Variants in DLG1 observed in about 807,000 individuals in gnomAD.
The protein encoded by DLG1 is disks large homolog 1.
Under a neutral mutation model 123.4 loss-of-function variants are expected in DLG1, and 42 were observed. The ratio of observed to expected loss-of-function variants is 0.34; its 90% CI spans 0.27 to 0.44. The LOEUF is 0.44. Ranked by LOEUF, DLG1 falls within the 20% of genes least tolerant of loss-of-function variation. The pLI, the probability that DLG1 is intolerant of heterozygous loss-of-function variation, is 1.00. For missense variants in DLG1, 942 were observed against 1,082.6 expected (o/e 0.87, Z 1.82); for synonymous variants, 317 against 356.2 (o/e 0.89, Z 1.24).
intron 14 of DLG1, among the ~76,000 whole-genome samples, chr3:197,102,564 G>GA (rs1490679121): frequency 6.6e-6 from 1 of 152,222 alleles, no homozygotes; most frequent in Non-Finnish European, 1.5e-5. Flanking sequence ...ATCTTTGTAT[G>GA]AATGTGAGGC....
chr3:197,183,560 CAAGTGGT>C lies in DLG1; in HGVS notation c.483+10858_483+10864del, dbSNP rs780535440. 22 of 1,543,446 alleles carry C rather than the reference CAAGTGGT, an allele frequency of 1.4e-5. No homozygotes were observed. In the South Asian group the frequency reaches 2.6e-4, roughly 18 times the overall value. The stretch of plus-strand genomic sequence containing the variant: ...AGAAATAGATTGAAAATAATTTCAA[CAAGTGGT>C]ATGTTACCTGGGTGGAGCTGGTGGC... On this transcript the variant is annotated intron_variant, in intron 5 of 24. Transcript: ENST00000667157.
intron 5 of DLG1, among the ~76,000 whole-genome samples, chr3:197,151,318 T>C (rs1793740040): frequency 1.3e-5 from 2 of 152,168 alleles, no homozygotes; most frequent in African/African-American, 4.8e-5. Flanking sequence ...TTACCAAACA[T>C]GCAGTGGAAA....
At chr3:197,095,450 G>T (rs1197128781) in intron 14 of DLG1, among the ~76,000 whole-genome samples, 3 of 151,940 alleles carry the variant, frequency 2.0e-5, no homozygotes, top group Non-Finnish European at 4.4e-5. Flanking sequence ...AATACTGTTG[G>T]AGATTACAAG....
At chr3:197,050,608 G>A (rs151196946) in intron 24 of DLG1, among the ~76,000 whole-genome samples, 418 of 152,230 alleles carry the variant, frequency 2.7e-3, no homozygotes, top group African/African-American at 9.4e-3. Flanking sequence ...TCATTTATAC[G>A]TGGAATCTAA....
At position 197,136,653 on chromosome 3, in the gene DLG1, A is replaced by G. The variant is rs1785181624; in HGVS notation, c.909T>C (p.Gly303=). 1 of 1,612,464 alleles carries G rather than the reference A, an allele frequency of 6.2e-7. No homozygotes were observed. Among genetic ancestry groups the G allele is most frequent in the South Asian group, 1.1e-5 (1 of 90,788 alleles). ...PKGLGFSIAG[G]VGNQHIPGDN... ...CCCCAGGAATATGCTGATTTCCAAC[A>G]CCTCCAGCAATGCTAAACCCAAGAC... Residue 303 remains glycine (G), a synonymous_variant, in exon 10 of 25, where the codon GGT becomes GGC. Coordinates refer to ENST00000667157, the MANE Select transcript of DLG1 (RefSeq NM_001366207.1).
At chr3:197,205,268 A>G (rs1352521098) in intron 4 of DLG1, among the ~76,000 whole-genome samples, 1 of 152,158 alleles carries the variant, frequency 6.6e-6, no homozygotes, top group Non-Finnish European at 1.5e-5. Context: ...AAAACTGGCC[A>G]TGACTGAATG....
chr3:197,134,899 G>A (rs1278145689), intron 10 of DLG1, among the ~76,000 whole-genome samples: 1 of 152,188 alleles, frequency 6.6e-6, no homozygotes, highest in African/African-American at 2.4e-5. Flanking sequence ...AACCCCTAGG[G>A]GGTAGACAAG....
chr3:197,094,182 C>A (rs1759346623), intron 14 of DLG1, among the ~76,000 whole-genome samples: 1 of 152,164 alleles, frequency 6.6e-6, no homozygotes, highest in Non-Finnish European at 1.5e-5. Flanking sequence ...CACCTAAGTC[C>A]CACTAAGTGA....
chr3:197,082,199 G>C (rs560780682), intron 16 of DLG1, among the ~76,000 whole-genome samples: 1 of 151,908 alleles, frequency 6.6e-6, no homozygotes, highest in East Asian at 1.9e-4. Context: ...GTGAAACCCT[G>C]TCTCTACTAA....
chr3:197,111,202 G>A (rs1349830496), intron 13 of DLG1, among the ~76,000 whole-genome samples: 5 of 152,138 alleles, frequency 3.3e-5, no homozygotes, highest in African/African-American at 9.7e-5. Context: ...TACTTCCCTG[G>A]ACTAGCTGAG....
In DLG1 at chr3:197,250,429, C is replaced by T. The variant is rs188304127; in HGVS notation, c.318+32250G>A. On this transcript the variant is annotated intron_variant, in intron 4 of 24. Coordinates refer to ENST00000667157, the MANE Select transcript of DLG1 (RefSeq NM_001366207.1). ...CTAAAAATACAAAAAATTAGCTGGG[C>T]GTCATGGTGGGCACCTGTAATCCCA... is the stretch of plus-strand genomic sequence containing the variant. Among the ~76,000 whole-genome samples the T allele has an allele frequency of 2.8e-3, 422 of 151,892 alleles. 3 individuals are homozygous for T. The highest frequency in any genetic ancestry group is 9.5e-3 in the African/African-American group (394 of 41,448).
intron 4 of DLG1, among the ~76,000 whole-genome samples, chr3:197,276,263 C>G (rs1192964654): frequency 1.2e-4 from 18 of 152,214 alleles, no homozygotes; most frequent in Non-Finnish European, 1.5e-5. Context: ...TTGTTGGTTT[C>G]TACTAATTAA....
chr3:197,076,533 A>C (rs1340870452), intron 18 of DLG1, 53 bp downstream of exon 18: 2 of 1,397,470 alleles, frequency 1.4e-6, no homozygotes, highest in Non-Finnish European at 2.0e-6. Flanking sequence ...ACTGCAGGGC[A>C]GTAGGTCCCT....
intron 4 of DLG1, among the ~76,000 whole-genome samples, chr3:197,253,067 G>T (rs1198091485): frequency 6.6e-6 from 1 of 152,066 alleles, no homozygotes; most frequent in East Asian, 1.9e-4. Flanking sequence ...TTGATAAATT[G>T]GACTTCATCA....
chr3:197,296,263 T>C, intron 3 of DLG1, 83 bp downstream of exon 3: 2 of 1,356,514 alleles, frequency 1.5e-6, no homozygotes, highest in Non-Finnish European at 2.0e-6. Flanking sequence ...ATTAAGTACA[T>C]CATTTTCTTA....
intron 16 of DLG1, chr3:197,085,296 A>G: frequency 2.6e-6 from 1 of 387,678 alleles, no homozygotes. Flanking sequence ...CCATGCTTAC[A>G]TGTTGGAGGT....
intron 3 of DLG1, among the ~76,000 whole-genome samples, chr3:197,288,460 G>A (rs1022203868): frequency 6.6e-6 from 1 of 151,134 alleles, no homozygotes; most frequent in African/African-American, 2.4e-5. Flanking sequence ...AGTGGTTCAT[G>A]CATGTAATCC....
rs767056279 is a variant in DLG1, at chr3:197,080,267, C to CTTTTT, written c.1905+779_1905+783dup. Among the ~76,000 whole-genome samples, 21 of 51,904 alleles carry CTTTTT rather than the reference C, an allele frequency of 4.0e-4. 2 individuals carry two copies. Among genetic ancestry groups the CTTTTT allele is most frequent in the African/African-American group, 1.3e-3 (16 of 11,984 alleles). The allele number at this position is 51,904 out of a possible 152,430, so 34.1% of individuals were successfully genotyped here. ...TATGATGAAAGAATTGATATATTTC[C>CTTTTT]TTTTTTTTTTTTTTTTTTTTTTTTT... On this transcript the variant is annotated intron_variant, in intron 17 of 24. Transcript: ENST00000667157.
In DLG1 at chr3:197,054,466, G is replaced by T. The variant is rs142953923; in HGVS notation, c.2484-2798C>A. Among the ~76,000 whole-genome samples the T allele has an allele frequency of 1.7e-4, 26 of 151,970 alleles. No homozygotes were observed. The East Asian group carries it at 4.8e-3, about 28-fold the overall frequency. On this transcript the variant is annotated intron_variant, in intron 23 of 24. Transcript: ENST00000667157. ...CGCAGACTAAATAATTTCCATTGTTGTATCTTTAAGTTAAAACTTGTTGAT... is the reference window on the plus strand; with the variant it reads ...CGCAGACTAAATAATTTCCATTGTTTTATCTTTAAGTTAAAACTTGTTGAT...
Sources: gnomAD v4.1 joint callset for allele counts (sites outside exome capture counted in the v4.1 genomes callset) on GRCh38, gnomAD v4.1.1 for gene constraint, MANE v1.5 for transcripts, NCBI Gene and HGNC (gene_info 2026-07-23, HGNC 2026-07-21) for gene names.